MARCHF5: variants seen among roughly 807,000 people sequenced by gnomAD.
MARCHF5 encodes the protein membrane associated ring-CH-type finger 5.
A neutral mutation model predicts 36.5 loss-of-function variants in MARCHF5; 5 were observed. The observed-to-expected ratio is 0.14, with a 90% CI of 0.07 to 0.29. The LOEUF (loss-of-function observed/expected upper bound fraction) is 0.29, where lower values mean the gene tolerates loss of function less well. Ranked by LOEUF, MARCHF5 falls within the 10% of genes least tolerant of loss-of-function variation. MARCHF5 has a pLI of 1.00. For missense variants in MARCHF5, 179 were observed against 336.3 expected (o/e 0.53, Z 3.66); for synonymous variants, 103 against 109.9 (o/e 0.94, Z 0.39).
chr10:92,301,653 A>C (rs1843013538), intron 1 of MARCHF5, among the ~76,000 whole-genome samples: 1 of 152,276 alleles, frequency 6.6e-6, no homozygotes, highest in Admixed American at 6.5e-5. Flanking sequence ...GGACCTCCCA[A>C]GGATGCCAAA....
chr10:92,339,802 A>G (rs961606730), intron 2 of MARCHF5, among the ~76,000 whole-genome samples: 6 of 152,226 alleles, frequency 3.9e-5, no homozygotes, highest in Admixed American at 1.3e-4. Context: ...TGGCAGTCAG[A>G]ATACCTCCAA....
chr10:92,340,526 C>A, intron 2 of MARCHF5, 147 bp from the exon 3 acceptor site: 1 of 646,650 alleles, frequency 1.5e-6, no homozygotes. Context: ...GAGCTATGAT[C>A]ATGCCACTGC....
chr10:92,297,964 G>A (rs915439103), intron 1 of MARCHF5, among the ~76,000 whole-genome samples: 6 of 152,220 alleles, frequency 3.9e-5, no homozygotes, highest in African/African-American at 1.2e-4. Context: ...TTGGAAGACC[G>A]AGGCAGGCCA....
chr10:92,318,388 T>G lies in MARCHF5; in HGVS notation c.238+7051T>G, dbSNP rs1329326973. On this transcript the variant is annotated intron_variant, in intron 2 of 5. Transcript: ENST00000358935. ...TTTCAGTGTATCAAGAGAATGCCAC[T>G]GGACTCCAGCCTGGGCAACTGGAGT... Among the ~76,000 whole-genome samples, 5 of 147,040 alleles carry G rather than the reference T, an allele frequency of 3.4e-5. No individual in the cohort carries two copies. In the East Asian group the frequency reaches 8.1e-4, roughly 24 times the overall value.
chr10:92,336,454 A>G (rs915272764), intron 2 of MARCHF5, among the ~76,000 whole-genome samples: 18 of 152,356 alleles, frequency 1.2e-4, no homozygotes, highest in African/African-American at 4.3e-4. Flanking sequence ...AAAAACAGGC[A>G]GATGTCTGAA....
intron 2 of MARCHF5, among the ~76,000 whole-genome samples, chr10:92,314,874 T>A (rs1333247635): frequency 6.6e-6 from 1 of 151,894 alleles, no homozygotes; most frequent in Non-Finnish European, 1.5e-5. Context: ...AGCCACTGTG[T>A]GCCCAGCCTG....
At chr10:92,344,200 G>T (rs1843613799) in intron 3 of MARCHF5, among the ~76,000 whole-genome samples, 1 of 152,134 alleles carries the variant, frequency 6.6e-6, no homozygotes, top group Non-Finnish European at 1.5e-5. Context: ...AGCATCAAGG[G>T]ATATAGTCCA....
intron 1 of MARCHF5, 122 bp downstream of exon 1, chr10:92,291,651 G>A: frequency 3.6e-6 from 5 of 1,384,134 alleles, no homozygotes; most frequent in Non-Finnish European, 4.7e-6. Flanking sequence ...ACGGCCAGGG[G>A]GCCGTGAGAG....
rs558567478 is a variant in MARCHF5 at position 92,349,275 on chromosome 10, A to T, written c.370-74A>T. The T allele has an allele frequency of 5.3e-6, 6 of 1,127,452 alleles. No individual in the cohort carries two copies. The South Asian group carries it at 8.0e-5, about 15-fold the overall frequency. 69.8% of individuals were successfully genotyped at this position (1,127,452 alleles called of 1,614,324 possible). A position where few individuals can be genotyped will look rare whatever the true frequency, so the allele number is the denominator to read the frequency against. On this transcript the variant is annotated intron_variant, in intron 3 of 5. Coordinates refer to ENST00000358935, the MANE Select transcript of MARCHF5 (RefSeq NM_017824.5). ...CTTTTGAAATTAAGCATTTTCTATTAAAAAAATAGAGCTTAACATGCAACA... is the reference window on the plus strand; with the variant it reads ...CTTTTGAAATTAAGCATTTTCTATTTAAAAAATAGAGCTTAACATGCAACA...
rs1192629634 is a variant in MARCHF5, at chr10:92,314,820, A to G, written c.238+3483A>G. Among the ~76,000 whole-genome samples, 7 of 145,280 alleles carry G rather than the reference A, an allele frequency of 4.8e-5. No individual in the cohort carries two copies. The South Asian group carries it at 8.6e-4, about 18-fold the overall frequency. ...TGTCTCAAACTCCTGGGCTCAAGCAATCCACCTACCTTGGCCTCCCAAAGT... is the reference window on the plus strand; with the variant it reads ...TGTCTCAAACTCCTGGGCTCAAGCAGTCCACCTACCTTGGCCTCCCAAAGT... On this transcript the variant is annotated intron_variant, in intron 2 of 5. Coordinates refer to ENST00000358935, the MANE Select transcript of MARCHF5 (RefSeq NM_017824.5).
chr10:92,340,609 T>C (rs1843567570), intron 2 of MARCHF5, 64 bp from the exon 3 acceptor site: 1 of 1,450,242 alleles, frequency 6.9e-7, no homozygotes. Context: ...ATAGAAAATA[T>C]CAAACAAGTC....
intron 2 of MARCHF5, among the ~76,000 whole-genome samples, chr10:92,321,730 C>A (rs1003082505): frequency 6.6e-6 from 1 of 152,030 alleles, no homozygotes; most frequent in East Asian, 1.9e-4. Context: ...ACTTACAGGT[C>A]TATTCAGATT....
Position 92,347,532 on chromosome 10 carries a change from T to TAGATAGATAGATAG in MARCHF5, c.370-1816_370-1815insGATAGATAGATAGA, listed in dbSNP as rs1564955003. Among the ~76,000 whole-genome samples the TAGATAGATAGATAG allele has an allele frequency of 1.0e-3, 123 of 119,852 alleles. 1 individual carries two copies. The highest frequency in any genetic ancestry group is 2.8e-3 in the East Asian group (12 of 4,264). 78.6% of individuals were successfully genotyped at this position (119,852 alleles called of 152,430 possible). A position where few individuals can be genotyped will look rare whatever the true frequency, so the allele number is the denominator to read the frequency against. On this transcript the variant is annotated intron_variant, in intron 3 of 5. Coordinates refer to ENST00000358935, the MANE Select transcript of MARCHF5 (RefSeq NM_017824.5). ...TAGATAGATAGATAGATGATAGATA[T>TAGATAGATAGATAG]ATAGATAGATAGATAGATAGATAGA...
chr10:92,315,296 T>C (rs1843197106), intron 2 of MARCHF5, among the ~76,000 whole-genome samples: 1 of 152,260 alleles, frequency 6.6e-6, no homozygotes, highest in South Asian at 2.1e-4. Flanking sequence ...TCTTCCTCTC[T>C]GTATAACACA....
At chr10:92,315,597 C>G (rs1286524849) in intron 2 of MARCHF5, among the ~76,000 whole-genome samples, 1 of 152,174 alleles carries the variant, frequency 6.6e-6, no homozygotes, top group African/African-American at 2.4e-5. Flanking sequence ...TCTCCTAGTA[C>G]AGTGTTATCA....
At chr10:92,319,327 C>T (rs1052049852) in intron 2 of MARCHF5, among the ~76,000 whole-genome samples, 4 of 146,904 alleles carry the variant, frequency 2.7e-5, no homozygotes, top group African/African-American at 1.0e-4. Flanking sequence ...CGGAGTTTCG[C>T]TCTTGTCGCC....
In MARCHF5 at chr10:92,353,199, T is replaced by C. The variant is rs557913326; in HGVS notation, c.*1992T>C. 1.1e-4 allele frequency: 16 copies of C among 152,230 alleles called. No homozygotes were observed. Among genetic ancestry groups the C allele is most frequent in the Admixed American group, 5.2e-4 (8 of 15,282 alleles). The allele number at this position is 152,230 out of a possible 1,614,324, so 9.4% of individuals were successfully genotyped here. A position where few individuals can be genotyped will look rare whatever the true frequency, so the allele number is the denominator to read the frequency against. ...GACCAGAGTGGCCTCTAGCCCCGAA[T>C]TGAACACTTTTAAACCTAAAGAGCC... is the stretch of plus-strand genomic sequence containing the variant. On this transcript the variant is annotated 3_prime_UTR_variant, in exon 6 of 6. Coordinates refer to ENST00000358935, the MANE Select transcript of MARCHF5 (RefSeq NM_017824.5).
rs377656529 is a variant in MARCHF5 at position 92,331,869 on chromosome 10, T to TTATATATAATCATATATATG, written c.239-8752_239-8733dup. Among the ~76,000 whole-genome samples the TTATATATAATCATATATATG allele has an allele frequency of 3.4e-3, 469 of 138,420 alleles. 1 individual carries two copies. Among genetic ancestry groups the TTATATATAATCATATATATG allele is most frequent in the Non-Finnish European group, 5.6e-3 (365 of 64,996 alleles). The allele number at this position is 138,420 out of a possible 152,430, so 90.8% of individuals were successfully genotyped here. On this transcript the variant is annotated intron_variant, in intron 2 of 5. Transcript: ENST00000358935. ...TTCATATATAATCATATATATGTTT[T>TTATATATAATCATATATATG]TATATATAATCATATATATGTATAT...
rs555696121 is a variant in MARCHF5, at chr10:92,312,788, A to G, written c.238+1451A>G. 7.9e-5 allele frequency among the ~76,000 whole-genome samples: 12 copies of G among 152,374 alleles called. No homozygotes were observed. In the East Asian group the frequency reaches 2.1e-3, roughly 27 times the overall value. ...CACTGAAAACTACATCAAGTTGACA[A>G]GTGTATGGCACTCGAAAGCAAAGTT... is the stretch of plus-strand genomic sequence containing the variant. On this transcript the variant is annotated intron_variant, in intron 2 of 5. Coordinates refer to ENST00000358935, the MANE Select transcript of MARCHF5 (RefSeq NM_017824.5).
Sources: allele counts gnomAD v4.1 joint callset (sites outside exome capture counted in the v4.1 genomes callset), GRCh38; gene constraint gnomAD v4.1.1; transcripts MANE v1.5; gene names NCBI Gene and HGNC (gene_info 2026-07-23, HGNC 2026-07-21).